TMEM117: variants seen among roughly 807,000 people sequenced by gnomAD.
TMEM117 encodes the protein transmembrane protein 117.
A neutral mutation model predicts 52.4 loss-of-function variants in TMEM117; 27 were observed. The ratio of observed to expected loss-of-function variants is 0.51; its 90% CI spans 0.38 to 0.71. The LOEUF is 0.71. Among genes scored for constraint, TMEM117 ranks in the 30% least tolerant of loss-of-function variants. TMEM117 has a pLI of 0.00. For synonymous variants in TMEM117, 215 were observed against 206.3 expected (o/e 1.04, Z -0.36); for missense variants, 556 against 630.5 (o/e 0.88, Z 1.26).
chr12:44,262,033 G>GT (rs1304767944), intron 5 of TMEM117, among the ~76,000 whole-genome samples: 1 of 152,202 alleles, frequency 6.6e-6, no homozygotes, highest in Non-Finnish European at 1.5e-5. Flanking sequence ...TCCATGTGGA[G>GT]TTTTTATAAA....
chr12:43,987,451 A>G (rs1290019154), intron 3 of TMEM117, among the ~76,000 whole-genome samples: 1 of 151,516 alleles, frequency 6.6e-6, no homozygotes, highest in Non-Finnish European at 1.5e-5. Context: ...TCTATTTTCT[A>G]GCTTTTTATT....
chr12:43,865,145 C>T (rs561292588), intron 2 of TMEM117, among the ~76,000 whole-genome samples: 52 of 152,252 alleles, frequency 3.4e-4, no homozygotes, highest in African/African-American at 9.9e-4. Flanking sequence ...CGAGGGTCCG[C>T]GGCTTCATTC....
chr12:44,173,448 A>G (rs1949076583), intron 4 of TMEM117, among the ~76,000 whole-genome samples: 1 of 151,796 alleles, frequency 6.6e-6, no homozygotes, highest in African/African-American at 2.4e-5. Flanking sequence ...TTGTGTTTTC[A>G]ATGGATTTTT....
At position 44,197,303 on chromosome 12, in the gene TMEM117, G is replaced by C. The variant is rs60300926; in HGVS notation, c.511-13987G>C. Among the ~76,000 whole-genome samples the C allele has an allele frequency of 6.9e-3, 1,052 of 152,006 alleles. 15 individuals are homozygous for C. Among genetic ancestry groups the C allele is most frequent in the African/African-American group, 0.024 (1,002 of 41,438 alleles). ...TTCTTTCTATTAGCTCTCCATCCCT[G>C]TATACATTTTCAGAGCCGTTATATT... is the stretch of plus-strand genomic sequence containing the variant. On this transcript the variant is annotated intron_variant, in intron 4 of 7. Coordinates refer to ENST00000266534, the MANE Select transcript of TMEM117 (RefSeq NM_032256.3).
At chr12:44,051,580 G>A (rs763385840) in intron 3 of TMEM117, among the ~76,000 whole-genome samples, 22 of 152,058 alleles carry the variant, frequency 1.4e-4, no homozygotes, top group Non-Finnish European at 3.1e-4. Flanking sequence ...TGGTAAATCA[G>A]GCAACCATTT....
chr12:44,002,919 C>T (rs1413706571), intron 3 of TMEM117, among the ~76,000 whole-genome samples: 1 of 152,298 alleles, frequency 6.6e-6, no homozygotes, highest in East Asian at 1.9e-4. Context: ...CCAACATGGT[C>T]ATCACCATGC....
chr12:44,295,164 A>G (rs1950752151), intron 5 of TMEM117, among the ~76,000 whole-genome samples: 1 of 151,950 alleles, frequency 6.6e-6, no homozygotes, highest in Non-Finnish European at 1.5e-5. Flanking sequence ...TCTTGATGGT[A>G]CCCATAGGTT....
At chr12:43,919,742 T>G (rs1218372165) in intron 2 of TMEM117, among the ~76,000 whole-genome samples, 1 of 151,718 alleles carries the variant, frequency 6.6e-6, no homozygotes, top group Non-Finnish European at 1.5e-5. Context: ...GCAGCACCAT[T>G]TTTTATTCTC....
At chr12:44,036,395 A>G (rs938337997) in intron 3 of TMEM117, among the ~76,000 whole-genome samples, 1 of 152,168 alleles carries the variant, frequency 6.6e-6, no homozygotes, top group Non-Finnish European at 1.5e-5. Context: ...GGAAACTTGT[A>G]TAATTAATTA....
At chr12:44,267,051 A>G (rs1168470265) in intron 5 of TMEM117, among the ~76,000 whole-genome samples, 1 of 152,110 alleles carries the variant, frequency 6.6e-6, no homozygotes, top group Non-Finnish European at 1.5e-5. Flanking sequence ...TTCTGCCAAT[A>G]AAGCAGCTGG....
At chr12:44,216,636 A>T (rs914488519) in intron 5 of TMEM117, among the ~76,000 whole-genome samples, 3 of 152,182 alleles carry the variant, frequency 2.0e-5, no homozygotes, top group African/African-American at 4.8e-5. Context: ...ATTACTGAGT[A>T]TTATAGTGGC....
chr12:44,197,844 G>A (rs1592598768), intron 4 of TMEM117, among the ~76,000 whole-genome samples: 1 of 152,098 alleles, frequency 6.6e-6, no homozygotes, highest in Non-Finnish European at 1.5e-5. Flanking sequence ...GCAATAAGGT[G>A]CAATACATCA....
the TMEM117 span, chr12:43,797,968 G>T: frequency 1.1e-6 from 1 of 897,168 alleles, no homozygotes; most frequent in Non-Finnish European, 1.6e-6. Flanking sequence ...TTTCACATTT[G>T]TTTACGGTCC....
chr12:44,261,024 C>G (rs1950314811), intron 5 of TMEM117, among the ~76,000 whole-genome samples: 1 of 151,998 alleles, frequency 6.6e-6, no homozygotes, highest in Admixed American at 6.6e-5. Flanking sequence ...GGACATTATC[C>G]AATTATGTCT....
At chr12:44,158,663 T>C (rs1292021892) in intron 4 of TMEM117, among the ~76,000 whole-genome samples, 2 of 152,144 alleles carry the variant, frequency 1.3e-5, no homozygotes, top group Non-Finnish European at 2.9e-5. Flanking sequence ...TAATCATATA[T>C]TGTTGGAGTT....
At chr12:44,052,459 G>A (rs1946988983) in intron 3 of TMEM117, among the ~76,000 whole-genome samples, 1 of 152,166 alleles carries the variant, frequency 6.6e-6, no homozygotes, top group Non-Finnish European at 1.5e-5. Flanking sequence ...GTCACAGACA[G>A]CCCCTCAGGG....
chr12:43,966,651 A>G (rs1335575675), intron 3 of TMEM117, among the ~76,000 whole-genome samples: 1 of 152,184 alleles, frequency 6.6e-6, no homozygotes, highest in South Asian at 2.1e-4. Flanking sequence ...AATAATAGAG[A>G]ACATGAAATT....
the TMEM117 span, among the ~76,000 whole-genome samples, chr12:43,808,312 T>G: frequency 6.6e-6 from 1 of 152,206 alleles, no homozygotes; most frequent in Non-Finnish European, 1.5e-5. Flanking sequence ...ATGCAGAGAT[T>G]ACATAGCTCT....
intron 3 of TMEM117, among the ~76,000 whole-genome samples, chr12:43,946,017 G>A (rs976235715): frequency 6.6e-6 from 1 of 152,138 alleles, no homozygotes; most frequent in African/African-American, 2.4e-5. Flanking sequence ...ATAAATTCAC[G>A]AATGTGATTT....
Sources: allele counts gnomAD v4.1 joint callset (sites outside exome capture counted in the v4.1 genomes callset), GRCh38; gene constraint gnomAD v4.1.1; transcripts MANE v1.5; gene names NCBI Gene and HGNC (gene_info 2026-07-23, HGNC 2026-07-21).